Variants in WDR3 observed in about 807,000 individuals in gnomAD.
WDR3 encodes the protein WD repeat domain 3, also known as WD repeat-containing protein 3.
WDR3 carries 81 observed loss-of-function variants against 123.7 expected under a neutral mutation model. The observed-to-expected ratio is 0.65, with a 90% CI of 0.55 to 0.79. The LOEUF (loss-of-function observed/expected upper bound fraction) is 0.79, where lower values mean the gene tolerates loss of function less well. Ranked by LOEUF, WDR3 falls within the 30% of genes least tolerant of loss-of-function variation. The probability of loss-of-function intolerance (pLI) is 0.00; values close to 1 mark genes in which losing one functional copy is unlikely to be tolerated. For missense variants in WDR3, 1,027 were observed against 1,123.2 expected (o/e 0.91, Z 1.22); for synonymous variants, 390 against 388.8 (o/e 1.00, Z -0.04).
intron 1 of WDR3, among the ~76,000 whole-genome samples, chr1:117,931,080 G>A (rs778552355): frequency 5.9e-5 from 9 of 152,122 alleles, no homozygotes; most frequent in South Asian, 2.1e-4. Flanking sequence ...CCCCGAGTGC[G>A]TCACCATGCC....
intron 15 of WDR3, 106 bp from the exon 16 acceptor site, chr1:117,950,728 A>G (rs1651578353): frequency 1.0e-6 from 1 of 1,002,474 alleles, no homozygotes; most frequent in South Asian, 1.4e-5. Flanking sequence ...AAATACAGAT[A>G]TAAAGCAATT....
At chr1:117,953,854 C>G in intron 21 of WDR3, 153 bp from the exon 22 acceptor site, 1 of 666,170 alleles carries the variant, frequency 1.5e-6, no homozygotes, top group Non-Finnish European at 2.5e-6. Context: ...CCAAAAATGT[C>G]TTTAAATGCT....
chr1:117,952,651 G>C lies in WDR3; in HGVS notation c.2140G>C (p.Glu714Gln). The C allele has an allele frequency of 6.2e-7, 1 of 1,612,544 alleles. No individual in the cohort carries two copies. The highest frequency in any genetic ancestry group is 8.5e-7 in the Non-Finnish European group (1 of 1,179,280). ...RTREPLILEEEREMEREAEYE... is the reference protein window; with the variant it reads ...RTREPLILEEQREMEREAEYE... ...AAGGGAGCCTCTTATTCTTGAGGAA[G>C]AAAGGGAGATGGTAAGAACTTTAGG... The change falls in exon 19 of 27, where the codon GAA becomes CAA. Residue 714 changes from glutamate (E) to glutamine (Q), a missense_variant. By Grantham distance (29) the Glu-to-Gln change is conservative. Transcript: ENST00000349139.
chr1:117,949,716 AAT>A (rs1651535956), intron 13 of WDR3, 33 bp from the exon 14 acceptor site: 1 of 1,605,072 alleles, frequency 6.2e-7, no homozygotes, highest in Admixed American at 1.7e-5. Flanking sequence ...TTTATGCTAA[AAT>A]AGTTTTTAAT....
intron 9 of WDR3, 134 bp downstream of exon 9, chr1:117,941,981 G>A (rs899194244): frequency 2.1e-5 from 29 of 1,365,666 alleles, no homozygotes; most frequent in Non-Finnish European, 2.7e-5. Flanking sequence ...GTGAGGTATC[G>A]ATAACCCAAA....
chr1:117,953,309 G>A (rs760589617), intron 20 of WDR3, among the ~76,000 whole-genome samples, 167 bp from the exon 21 acceptor site: 5 of 152,128 alleles, frequency 3.3e-5, no homozygotes, highest in Non-Finnish European at 7.4e-5. Context: ...TTTGCAGGAT[G>A]TTCTTACAAT....
At chr1:117,941,876 A>G in intron 9 of WDR3, 29 bp downstream of exon 9, 2 of 1,584,458 alleles carry the variant, frequency 1.3e-6, no homozygotes, top group Non-Finnish European at 1.7e-6. Flanking sequence ...TACATTAATA[A>G]TGAAGTATCC....
intron 2 of WDR3, 75 bp from the exon 3 acceptor site, chr1:117,934,398 C>A: frequency 7.1e-7 from 1 of 1,407,702 alleles, no homozygotes; most frequent in Non-Finnish European, 9.8e-7. Context: ...TTTTACTGTG[C>A]CTGAGTATTC....
chr1:117,960,365 AG>A lies in WDR3; in HGVS notation c.*919del, dbSNP rs1171362211. ...GTATTCTTAAAGTAAGCTAGAGAAA[AG>A]AAAATGTTACTTAGAAAATCATAAG... On this transcript the variant is annotated 3_prime_UTR_variant, in exon 27 of 27. Coordinates refer to ENST00000349139, the MANE Select transcript of WDR3 (RefSeq NM_006784.3). 1.3e-5 allele frequency: 2 copies of A among 152,324 alleles called. No homozygotes were observed. The highest frequency in any genetic ancestry group is 3.9e-4 in the East Asian group (2 of 5,190). The allele number at this position is 152,324 out of a possible 1,614,324, so 9.4% of individuals were successfully genotyped here.
In WDR3 at chr1:117,958,992, A is replaced by G. The variant is rs1357358255; in HGVS notation, c.2665A>G (p.Ser889Gly). 6.2e-7 allele frequency: 1 copy of G among 1,613,980 alleles called. No individual in the cohort carries two copies. Among genetic ancestry groups the G allele is most frequent in the Non-Finnish European group, 8.5e-7 (1 of 1,179,880 alleles). Residue 889 changes from serine (S) to glycine (G), a missense_variant, in exon 26 of 27, where the codon AGC (serine) becomes GGC (glycine). Ser to Gly is a moderately conservative substitution (Grantham distance 56). Transcript: ENST00000349139. ...AAGGGAAACAACTATTTCAAAAGTC[A>G]GCCAAGTCCGGGTAAGTGTCTTTGT... ...KLRETTISKV[S>G]QVRDVIGFNM...
chr1:117,952,841 T>G, intron 19 of WDR3, 105 bp from the exon 20 acceptor site: 2 of 1,443,654 alleles, frequency 1.4e-6, no homozygotes, highest in Non-Finnish European at 1.9e-6. Flanking sequence ...AAGATGCCAT[T>G]AGGGTATTAT....
chr1:117,956,367 A>G (rs569274477), intron 24 of WDR3, among the ~76,000 whole-genome samples: 55 of 152,292 alleles, frequency 3.6e-4, no homozygotes, highest in African/African-American at 1.3e-3. Context: ...TGAACTACTG[A>G]AGGCTATCAT....
chr1:117,947,585 T>A (rs1040132004), intron 12 of WDR3, among the ~76,000 whole-genome samples: 6 of 152,248 alleles, frequency 3.9e-5, no homozygotes, highest in African/African-American at 9.6e-5. Flanking sequence ...GTCGGCTTAC[T>A]GGCTGTGCTA....
rs765073192 is a variant in WDR3 at position 117,940,825 on chromosome 1, A to C, written c.676-2A>C. On this transcript the variant is annotated splice_acceptor_variant, in intron 6 of 26. Coordinates refer to ENST00000349139, the MANE Select transcript of WDR3 (RefSeq NM_006784.3). LOFTEE classifies it high-confidence loss of function. ...TTTTATTTTCTCATTTTTATAAAACAGATTGAAGACCCGGAAGAACCAGAC... is the reference window on the plus strand; with the variant it reads ...TTTTATTTTCTCATTTTTATAAAACCGATTGAAGACCCGGAAGAACCAGAC... The C allele has an allele frequency of 6.2e-7, 1 of 1,603,736 alleles. No individual in the cohort carries two copies. The highest frequency in any genetic ancestry group is 8.5e-7 in the Non-Finnish European group (1 of 1,175,986).
At chr1:117,938,590 A>G in intron 5 of WDR3, 32 bp downstream of exon 5, 1 of 1,590,108 alleles carries the variant, frequency 6.3e-7, no homozygotes. Flanking sequence ...CAGGGAAATA[A>G]TGGGAAGGCA....
chr1:117,961,839 T>C lies in WDR3; in HGVS notation c.*2392T>C, dbSNP rs1254033719. On this transcript the variant is annotated 3_prime_UTR_variant, in exon 27 of 27. Coordinates refer to ENST00000349139, the MANE Select transcript of WDR3 (RefSeq NM_006784.3). Reference sequence around the variant, plus strand: ...AATAGGCAGGCAGGATAATGCATTCTAGGTGCTTTCCAAGGAGTCAGTGTT... The same window carrying C: ...AATAGGCAGGCAGGATAATGCATTCCAGGTGCTTTCCAAGGAGTCAGTGTT... 6.6e-6 allele frequency: 1 copy of C among 152,558 alleles called. No individual in the cohort carries two copies. The highest frequency in any genetic ancestry group is 1.5e-5 in the Non-Finnish European group (1 of 68,034). The allele number at this position is 152,558 out of a possible 1,614,324, so 9.5% of individuals were successfully genotyped here. A position where few individuals can be genotyped will look rare whatever the true frequency, so the allele number is the denominator to read the frequency against.
intron 1 of WDR3, among the ~76,000 whole-genome samples, chr1:117,931,068 C>T (rs1650699157): frequency 6.6e-6 from 1 of 152,188 alleles, no homozygotes. Context: ...CTGCCTCAGC[C>T]TCCCCGAGTG....
At position 117,964,669 on chromosome 1, in the gene WDR3, T is replaced by C. The variant is rs1653585055; in HGVS notation, c.*5222T>C. On this transcript the variant is annotated 3_prime_UTR_variant, in exon 27 of 27. Coordinates refer to ENST00000349139, the MANE Select transcript of WDR3 (RefSeq NM_006784.3). The stretch of plus-strand genomic sequence containing the variant: ...TTGTACTTACTGCCATCATTGTTTA[T>C]GGTTTACTTACTTTATGTATTGTCT... 1 of 152,216 alleles carries C rather than the reference T, an allele frequency of 6.6e-6. No individual in the cohort carries two copies. The highest frequency in any genetic ancestry group is 2.1e-4 in the South Asian group (1 of 4,828). The allele number at this position is 152,216 out of a possible 1,614,324, so 9.4% of individuals were successfully genotyped here. A position where few individuals can be genotyped will look rare whatever the true frequency, so the allele number is the denominator to read the frequency against.
intron 3 of WDR3, among the ~76,000 whole-genome samples, chr1:117,936,556 A>C (rs932619563): frequency 6.6e-6 from 1 of 152,162 alleles, no homozygotes; most frequent in Admixed American, 6.5e-5. Flanking sequence ...CCTGGATTAT[A>C]CATAAAGACT....
Sources: gnomAD v4.1 joint callset for allele counts (sites outside exome capture counted in the v4.1 genomes callset) on GRCh38, gnomAD v4.1.1 for gene constraint, MANE v1.5 for transcripts, NCBI Gene and HGNC (gene_info 2026-07-23, HGNC 2026-07-21) for gene names.